Variants in GBP7 observed in about 807,000 individuals in gnomAD.
GBP7 encodes the protein guanylate binding protein 7, also known as guanylate-binding protein 7.
A neutral mutation model predicts 61.3 loss-of-function variants in GBP7; 43 were observed. The ratio of observed to expected loss-of-function variants is 0.70; its 90% CI spans 0.55 to 0.91. The LOEUF is 0.91. Among genes scored for constraint, GBP7 ranks in the 40% least tolerant of loss-of-function variants. The pLI, the probability that GBP7 is intolerant of heterozygous loss-of-function variation, is 0.00. For missense variants in GBP7, 717 were observed against 740.5 expected (o/e 0.97, Z 0.37); for synonymous variants, 267 against 271.0 (o/e 0.99, Z 0.14).
intron 3 of GBP7, among the ~76,000 whole-genome samples, chr1:89,160,930 C>T (rs888574802): frequency 2.0e-5 from 3 of 151,910 alleles, no homozygotes; most frequent in Non-Finnish European, 4.4e-5. Context: ...TCTTTTCCCT[C>T]CTCCCATTAT....
At chr1:89,133,960 A>G (rs1225580318) in intron 9 of GBP7, among the ~76,000 whole-genome samples, 2 of 152,096 alleles carry the variant, frequency 1.3e-5, no homozygotes, top group African/African-American at 2.4e-5. Flanking sequence ...GCCCAGATAC[A>G]TGGCCTTGGC....
At chr1:89,157,395 C>CA (rs1682340812) in intron 3 of GBP7, among the ~76,000 whole-genome samples, 1 of 151,976 alleles carries the variant, frequency 6.6e-6, no homozygotes, top group Non-Finnish European at 1.5e-5. Flanking sequence ...AAAAACCCTT[C>CA]AAAAAATCAA....
chr1:89,133,226 C>T, intron 10 of GBP7, 32 bp downstream of exon 10: 1 of 1,572,940 alleles, frequency 6.4e-7, no homozygotes, highest in South Asian at 1.1e-5. Flanking sequence ...GGCATTGTGC[C>T]TCAAGCACTG....
rs1681684334 is a variant in GBP7 at position 89,131,875 on chromosome 1, T to C, written c.*274A>G. 1 of 251,696 alleles carries C rather than the reference T, an allele frequency of 4.0e-6. No homozygotes were observed. Among genetic ancestry groups the C allele is most frequent in the African/African-American group, 2.2e-5 (1 of 44,708 alleles). 15.6% of individuals were successfully genotyped at this position (251,696 alleles called of 1,614,324 possible). A position where few individuals can be genotyped will look rare whatever the true frequency, so the allele number is the denominator to read the frequency against. On this transcript the variant is annotated 3_prime_UTR_variant, in exon 11 of 11. Coordinates refer to ENST00000294671, the MANE Select transcript of GBP7 (RefSeq NM_207398.3). ...CTAATTATAACTTAAATTATCTCTG[T>C]GACTATAACATTAATTGAAAATAAT...
chr1:89,172,414 C>T lies in GBP7; in HGVS notation c.-19-460G>A, dbSNP rs144671991. On this transcript the variant is annotated intron_variant, in intron 1 of 10. Transcript: ENST00000294671. ...CTTGCATCTTTGATAGTTCGTTATTCGTTCTTTGTCTTTCATGTCTTTGAC... is the reference window on the plus strand; with the variant it reads ...CTTGCATCTTTGATAGTTCGTTATTTGTTCTTTGTCTTTCATGTCTTTGAC... Among the ~76,000 whole-genome samples, 818 of 152,306 alleles carry T rather than the reference C, an allele frequency of 5.4e-3. 3 individuals carry two copies. Among genetic ancestry groups the T allele is most frequent in the African/African-American group, 0.013 (525 of 41,576 alleles).
chr1:89,141,838 C>G (rs765827090), intron 8 of GBP7, among the ~76,000 whole-genome samples, 190 bp from the exon 9 acceptor site: 16 of 152,194 alleles, frequency 1.1e-4, no homozygotes, highest in Non-Finnish European at 2.1e-4. Context: ...ACATGAAAAC[C>G]CTGTGTAGCA....
chr1:89,137,118 C>A (rs1226732165), intron 9 of GBP7, among the ~76,000 whole-genome samples: 2 of 151,874 alleles, frequency 1.3e-5, no homozygotes, highest in African/African-American at 4.8e-5. Flanking sequence ...GAAATTGAAA[C>A]CTGGAACAGA....
chr1:89,160,854 G>T (rs1218751379), intron 3 of GBP7, among the ~76,000 whole-genome samples: 4 of 151,950 alleles, frequency 2.6e-5, no homozygotes, highest in Admixed American at 1.3e-4. Flanking sequence ...TGTCATGGGG[G>T]TTCGTTGCAT....
At chr1:89,161,811 C>CT (rs895652006) in intron 3 of GBP7, among the ~76,000 whole-genome samples, 8 of 152,042 alleles carry the variant, frequency 5.3e-5, no homozygotes, top group African/African-American at 1.9e-4. Context: ...GTTACTATAG[C>CT]TTTTTTGGTG....
intron 10 of GBP7, among the ~76,000 whole-genome samples, 192 bp from the exon 11 acceptor site, chr1:89,132,595 C>T (rs1432737834): frequency 1.3e-5 from 2 of 152,152 alleles, no homozygotes; most frequent in Non-Finnish European, 2.9e-5. Flanking sequence ...ACCTTTGTGA[C>T]ATTTCCTCAG....
At chr1:89,133,193 GGCTCTTCCCTAAATGA>G in intron 10 of GBP7, 49 bp downstream of exon 10, 1 of 1,191,420 alleles carries the variant, frequency 8.4e-7, no homozygotes, top group East Asian at 2.3e-5. Context: ...TTAAAATTTT[GGCTCTTCCCTAAATGA>G]GGAACTGGCA....
chr1:89,144,713 A>T (rs1479954925), intron 8 of GBP7, among the ~76,000 whole-genome samples: 2 of 152,172 alleles, frequency 1.3e-5, no homozygotes, highest in Non-Finnish European at 2.9e-5. Flanking sequence ...TCTGCACCTC[A>T]TGCAGTTATC....
At chr1:89,162,799 T>C (rs1453114959) in intron 3 of GBP7, among the ~76,000 whole-genome samples, 1 of 152,224 alleles carries the variant, frequency 6.6e-6, no homozygotes, top group Non-Finnish European at 1.5e-5. Flanking sequence ...CAATACTATG[T>C]TGAACAGGAG....
At chr1:89,162,240 GC>G (rs1647295172) in intron 3 of GBP7, among the ~76,000 whole-genome samples, 1 of 151,956 alleles carries the variant, frequency 6.6e-6, no homozygotes, top group Non-Finnish European at 1.5e-5. Context: ...AATTGCGTTG[GC>G]TATTTTTTGC....
At position 89,147,635 on chromosome 1, in the gene GBP7, T is replaced by G. The variant is rs756800450; in HGVS notation, c.1297A>C (p.Asn433His). Reference sequence around the variant, plus strand: ...TTCTTTTTTGCTTCTAAGTAGATATTGTGCCCCCCCGGAACAAAGAAAGTT... The same window carrying G: ...TTCTTTTTTGCTTCTAAGTAGATATGGTGCCCCCCCGGAACAAAGAAAGTT... The part of the protein sequence containing the change: ...RGTFFVPGGH[N>H]IYLEAKKKIE... The change falls in exon 8 of 11, where the codon AAT (asparagine) becomes CAT (histidine). Residue 433 changes from asparagine (N) to histidine (H), a missense_variant. Asn to His is a moderately conservative substitution (Grantham distance 68, BLOSUM62 1). Coordinates refer to ENST00000294671, the MANE Select transcript of GBP7 (RefSeq NM_207398.3). The G allele has an allele frequency of 6.2e-7, 1 of 1,614,194 alleles. No individual in the cohort carries two copies. The highest frequency in any genetic ancestry group is 8.5e-7 in the Non-Finnish European group (1 of 1,180,020).
At position 89,133,360 on chromosome 1, in the gene GBP7, C is replaced by T. The variant is rs1289461875; in HGVS notation, c.1560G>A (p.Glu520=). The change falls in exon 10 of 11, where the codon GAG becomes GAA. Residue 520 remains glutamate, a synonymous_variant. Transcript: ENST00000294671. ...GAGCTATGTTTTCCTGGAAACTTCT[C>T]TCTTGAGCCTCCATCATTTGCTGCT... is the stretch of plus-strand genomic sequence containing the variant. ...KEQQQMMEAQ[E]RSFQENIAQL... 1.9e-6 allele frequency: 3 copies of T among 1,613,964 alleles called. No individual in the cohort carries two copies. The highest frequency in any genetic ancestry group is 2.5e-6 in the Non-Finnish European group (3 of 1,180,000).
At position 89,152,769 on chromosome 1, in the gene GBP7, A is replaced by G. The variant is rs751584161; in HGVS notation, c.327T>C (p.Pro109=). 6 of 1,553,558 alleles carry G rather than the reference A, an allele frequency of 3.9e-6. No homozygotes were observed. Among genetic ancestry groups the G allele is most frequent in the Non-Finnish European group, 1.8e-6 (2 of 1,135,318 alleles). Residue 109 remains proline, a synonymous_variant, in exon 4 of 11, where the codon CCT becomes CCC. Transcript: ENST00000294671. ...GGGCAAAGATCCACGAGTCACTCTTAGGGTCACTCTAGTGTTAAAGAAAAA... is the reference window on the plus strand; with the variant it reads ...GGGCAAAGATCCACGAGTCACTCTTGGGGTCACTCTAGTGTTAAAGAAAAA... ...EGLGDMEKSD[P]KSDSWIFALA...
chr1:89,150,688 C>T, intron 5 of GBP7, 113 bp from the exon 6 acceptor site: 5 of 1,090,934 alleles, frequency 4.6e-6, no homozygotes, highest in South Asian at 3.0e-5. Flanking sequence ...GTCTGTGAAT[C>T]TACTCTATGT....
At position 89,141,455 on chromosome 1, in the gene GBP7, C is replaced by G. The variant is rs549791406; in HGVS notation, c.1468+91G>C. 1.2e-4 allele frequency: 134 copies of G among 1,102,456 alleles called. 2 individuals are homozygous for G. The Middle Eastern group carries it at 1.5e-3, about 13-fold the overall frequency. The allele number at this position is 1,102,456 out of a possible 1,614,324, so 68.3% of individuals were successfully genotyped here. On this transcript the variant is annotated intron_variant, in intron 9 of 10. Coordinates refer to ENST00000294671, the MANE Select transcript of GBP7 (RefSeq NM_207398.3). ...ATGTGTTCCCTATGAGAAGAAAGCTCCTGGTATAAGGAAAATCCTTTTTTC... is the reference window on the plus strand; with the variant it reads ...ATGTGTTCCCTATGAGAAGAAAGCTGCTGGTATAAGGAAAATCCTTTTTTC...
Sources: allele counts gnomAD v4.1 joint callset (sites outside exome capture counted in the v4.1 genomes callset), GRCh38; gene constraint gnomAD v4.1.1; transcripts MANE v1.5; gene names NCBI Gene and HGNC (gene_info 2026-07-23, HGNC 2026-07-21).